Variants in USP49 observed in about 807,000 individuals in gnomAD.
USP49 encodes the protein ubiquitin specific peptidase 49, also known as ubiquitin carboxyl-terminal hydrolase 49.
USP49 carries 24 observed loss-of-function variants against 58.6 expected under a neutral mutation model. The ratio of observed to expected loss-of-function variants is 0.41; its 90% CI spans 0.30 to 0.58. The LOEUF is 0.58. Among genes scored for constraint, USP49 ranks in the 20% least tolerant of loss-of-function variants. USP49 has a pLI of 0.30. For missense variants in USP49, 703 were observed against 866.1 expected, an observed-to-expected ratio of 0.81 and a Z score of 2.36; for synonymous variants, 408 against 365.1, an observed-to-expected ratio of 1.12 and a Z score of -1.34.
At chr6:41,809,447 C>T (rs1773205173) in intron 3 of USP49, among the ~76,000 whole-genome samples, 1 of 151,722 alleles carries the variant, frequency 6.6e-6, no homozygotes, top group East Asian at 2.0e-4. Flanking sequence ...ATCGCTAGAA[C>T]CTAGGAGGTG....
Position 41,794,356 on chromosome 6 carries a change from G to C in USP49, c.*2177C>G, listed in dbSNP as rs1417837846. The C allele has an allele frequency of 1.3e-5, 2 of 152,126 alleles. No homozygotes were observed. Among genetic ancestry groups the C allele is most frequent in the East Asian group, 3.8e-4 (2 of 5,202 alleles). The allele number at this position is 152,126 out of a possible 1,614,324, so 9.4% of individuals were successfully genotyped here. On this transcript the variant is annotated 3_prime_UTR_variant, in exon 8 of 8. Coordinates refer to ENST00000682992, the MANE Select transcript of USP49 (RefSeq NM_001286554.2). ...AAAACTATTTTTAAAAATTAAATTG[G>C]AAGATCTTTGAATTTTCCATTAAAT...
chr6:41,863,239 C>A (rs1399063545), intron 3 of USP49, among the ~76,000 whole-genome samples: 1 of 152,148 alleles, frequency 6.6e-6, no homozygotes, highest in Non-Finnish European at 1.5e-5. Context: ...CTAAAGCCTA[C>A]TAATTTGTAT....
At chr6:41,866,261 A>G (rs1774317804) in intron 3 of USP49, among the ~76,000 whole-genome samples, 2 of 151,948 alleles carry the variant, frequency 1.3e-5, no homozygotes, top group African/African-American at 4.8e-5. Flanking sequence ...GCAAAATGTC[A>G]AGCCACTCTA....
At chr6:41,854,775 C>T (rs1774096710) in intron 3 of USP49, among the ~76,000 whole-genome samples, 1 of 151,876 alleles carries the variant, frequency 6.6e-6, no homozygotes, top group Non-Finnish European at 1.5e-5. Flanking sequence ...CCTTGGAGAG[C>T]CTTTTATTTA....
rs1184665776 is a variant in USP49, at chr6:41,807,780, AT to A, written c.-28-770del. On this transcript the variant is annotated intron_variant, in intron 3 of 7. Coordinates refer to ENST00000682992, the MANE Select transcript of USP49 (RefSeq NM_001286554.2). ...TTAATTTATTTTTTGTTTTTTATGT[AT>A]TTTTTTTTTTGAGGTCGAGCCTCCC... Among the ~76,000 whole-genome samples, 1,085 of 140,998 alleles carry A rather than the reference AT, an allele frequency of 7.7e-3. 14 individuals carry two copies. The highest frequency in any genetic ancestry group is 0.022 in the African/African-American group (850 of 38,426). 92.5% of individuals were successfully genotyped at this position (140,998 alleles called of 152,430 possible).
rs1411618165 is a variant in USP49, at chr6:41,803,160, A to C, written c.1561+646T>G. Among the ~76,000 whole-genome samples, 1 of 152,342 alleles carries C rather than the reference A, an allele frequency of 6.6e-6. No individual in the cohort carries two copies. The highest frequency in any genetic ancestry group is 1.9e-4 in the East Asian group (1 of 5,190). ...AGACTCTACATTCATGAATTTAAGC[A>C]GCAGCCCCACAGCACTAAGAAGCTA... is the stretch of plus-strand genomic sequence containing the variant. On this transcript the variant is annotated intron_variant, in intron 5 of 7. Transcript: ENST00000682992. The surrounding 1 kb of genome is among the most constrained non-coding windows in gnomAD (Gnocchi z 4.1).
At chr6:41,838,329 C>A (rs1218282001) in intron 3 of USP49, among the ~76,000 whole-genome samples, 1 of 152,210 alleles carries the variant, frequency 6.6e-6, no homozygotes, top group African/African-American at 2.4e-5. Context: ...AGCCAGCCCA[C>A]CAAACATATC....
chr6:41,885,813 A>T (rs1774700126), intron 2 of USP49, among the ~76,000 whole-genome samples: 1 of 151,924 alleles, frequency 6.6e-6, no homozygotes, highest in African/African-American at 2.4e-5. Context: ...AAAAAGAGAG[A>T]GTCTCCCACC....
At chr6:41,888,575 TC>T (rs1774757350) in intron 2 of USP49, among the ~76,000 whole-genome samples, 1 of 152,030 alleles carries the variant, frequency 6.6e-6, no homozygotes, top group East Asian at 1.9e-4. Context: ...AGCTTCAGCC[TC>T]CCGAGTAGCT....
At chr6:41,869,370 A>C (rs1311105442) in intron 3 of USP49, among the ~76,000 whole-genome samples, 1 of 152,004 alleles carries the variant, frequency 6.6e-6, no homozygotes, top group Non-Finnish European at 1.5e-5. Context: ...TGTCTCTTTA[A>C]ATAAAAAATA....
In USP49 at chr6:41,794,521, C is replaced by G. The variant is rs941755231; in HGVS notation, c.*2012G>C. On this transcript the variant is annotated 3_prime_UTR_variant, in exon 8 of 8. Coordinates refer to ENST00000682992, the MANE Select transcript of USP49 (RefSeq NM_001286554.2). ...AAAGATGAGGCACGATTCATAGTTT[C>G]CTTTCCTTTTTACTCTCCTTGGTTT... 1 of 152,112 alleles carries G rather than the reference C, an allele frequency of 6.6e-6. No individual in the cohort carries two copies. Among genetic ancestry groups the G allele is most frequent in the African/African-American group, 2.4e-5 (1 of 41,416 alleles). The allele number at this position is 152,112 out of a possible 1,614,324, so 9.4% of individuals were successfully genotyped here.
intron 3 of USP49, among the ~76,000 whole-genome samples, chr6:41,828,079 T>C (rs1476405347): frequency 6.6e-6 from 1 of 152,202 alleles, no homozygotes; most frequent in Non-Finnish European, 1.5e-5. Context: ...ATTTTTTCTC[T>C]ACTGTCAGCT....
At chr6:41,872,223 T>C (rs943394064) in intron 2 of USP49, among the ~76,000 whole-genome samples, 3 of 152,254 alleles carry the variant, frequency 2.0e-5, no homozygotes, top group African/African-American at 7.2e-5. Context: ...TCTGACACAT[T>C]ATCAGGAAGT....
intron 3 of USP49, among the ~76,000 whole-genome samples, chr6:41,835,462 C>A (rs916194489): frequency 2.0e-5 from 3 of 152,048 alleles, no homozygotes; most frequent in African/African-American, 7.2e-5. Flanking sequence ...GCCTGTAATC[C>A]CAGCACTTTG....
At chr6:41,874,347 T>G (rs1384797367) in intron 2 of USP49, 1 of 152,222 alleles carries the variant, frequency 6.6e-6, no homozygotes, top group Non-Finnish European at 1.5e-5. Flanking sequence ...ACCTTTAGTT[T>G]AGAGCAATTT....
chr6:41,823,011 T>G (rs1273746786), intron 3 of USP49, among the ~76,000 whole-genome samples: 1 of 152,118 alleles, frequency 6.6e-6, no homozygotes, highest in Non-Finnish European at 1.5e-5. Flanking sequence ...AAATCAGCCA[T>G]ACATGGAAAC....
chr6:41,861,220 G>T (rs927929981), intron 3 of USP49, among the ~76,000 whole-genome samples: 1 of 152,070 alleles, frequency 6.6e-6, no homozygotes, highest in Non-Finnish European at 1.5e-5. Flanking sequence ...GAGGCAGGCG[G>T]ATCACGAGGT....
intron 2 of USP49, among the ~76,000 whole-genome samples, chr6:41,877,696 G>T (rs1310575512): frequency 1.8e-5 from 2 of 108,148 alleles, no homozygotes; most frequent in Non-Finnish European, 4.3e-5. Context: ...AAGTAACTGG[G>T]ATTACAGGTT....
chr6:41,812,618 G>A (rs527495789), intron 3 of USP49, among the ~76,000 whole-genome samples: 5 of 151,912 alleles, frequency 3.3e-5, no homozygotes, highest in South Asian at 2.1e-4. Context: ...GCATGAACCC[G>A]GGAGGCGGAG....
Sources: allele counts gnomAD v4.1 joint callset (sites outside exome capture counted in the v4.1 genomes callset), GRCh38; gene constraint gnomAD v4.1.1; non-coding constraint Gnocchi (gnomAD v3.1); transcripts MANE v1.5; gene names NCBI Gene and HGNC (gene_info 2026-07-23, HGNC 2026-07-21).